The following SLC37A1 variants were observed in gnomAD, a reference collection of about 807,000 sequenced individuals.
The protein encoded by SLC37A1 is glucose-6-phosphate exchanger SLC37A1.
SLC37A1 carries 49 observed loss-of-function variants against 75.3 expected under a neutral mutation model. The observed-to-expected ratio is 0.65, with a 90% confidence interval of 0.52 to 0.83. The LOEUF (loss-of-function observed/expected upper bound fraction) is 0.83. Among genes scored for constraint, SLC37A1 ranks in the 40% least tolerant of loss-of-function variants. SLC37A1 has a pLI of 0.00. For missense variants in SLC37A1, 566 were observed against 695.0 expected, an observed-to-expected ratio of 0.81 and a Z score of 2.09; for synonymous variants, 268 against 292.1, an observed-to-expected ratio of 0.92 and a Z score of 0.84.
At chr21:42,567,689 A>AT (rs201853319) in intron 16 of SLC37A1, among the ~76,000 whole-genome samples, 1,700 of 152,150 alleles carry the variant, frequency 0.011, 34 homozygotes, top group African/African-American at 0.039. Context: ...ACAAGCATTT[A>AT]TTTTTTTGAA....
intron 2 of SLC37A1, among the ~76,000 whole-genome samples, chr21:42,521,131 G>T (rs747485205): frequency 1.3e-5 from 2 of 152,180 alleles, no homozygotes; most frequent in African/African-American, 2.4e-5. Context: ...TGAGGAACAG[G>T]ATATCTACAT....
chr21:42,540,629 T>C (rs1232199265), intron 6 of SLC37A1, among the ~76,000 whole-genome samples: 2 of 152,198 alleles, frequency 1.3e-5, no homozygotes, highest in South Asian at 4.1e-4. Context: ...TCCTGGCTTC[T>C]GCCCTTCCCA....
chr21:42,560,110 C>T (rs535198261), intron 11 of SLC37A1, among the ~76,000 whole-genome samples: 5 of 152,244 alleles, frequency 3.3e-5, no homozygotes, highest in African/African-American at 1.2e-4. Flanking sequence ...GTATCGGGAA[C>T]AAGGTGACTT....
At chr21:42,551,416 AAAG>A (rs1310780729) in intron 9 of SLC37A1, among the ~76,000 whole-genome samples, 1 of 152,220 alleles carries the variant, frequency 6.6e-6, no homozygotes, top group African/African-American at 2.4e-5. Context: ...CTAGAGATAG[AAAG>A]AAGATGAGTG....
Position 42,548,033 on chromosome 21 carries a change from G to A in SLC37A1, c.768+893G>A, listed in dbSNP as rs367550934. On this transcript the variant is annotated intron_variant, in intron 9 of 19. Transcript: ENST00000352133. The surrounding 1 kb of genome is among the most constrained non-coding windows in gnomAD (Gnocchi z 5.6). ...CTGACCCAATGCTTCCCTCCCTCTG[G>A]GGGTCAGCTCTCTTCCCTCCCTCTG... is the stretch of plus-strand genomic sequence containing the variant. 4.4e-4 allele frequency among the ~76,000 whole-genome samples: 67 copies of A among 152,156 alleles called. No individual in the cohort carries two copies. The highest frequency in any genetic ancestry group is 1.5e-3 in the African/African-American group (64 of 41,506).
chr21:42,558,188 G>A (rs1461719823), intron 10 of SLC37A1, among the ~76,000 whole-genome samples: 1 of 152,128 alleles, frequency 6.6e-6, no homozygotes, highest in Admixed American at 6.5e-5. Context: ...TCCCACTCTA[G>A]GTTGGGGAAT....
chr21:42,519,590 A>T (rs4920116), intron 2 of SLC37A1, among the ~76,000 whole-genome samples: 3 of 152,024 alleles, frequency 2.0e-5, no homozygotes, highest in African/African-American at 7.3e-5. Flanking sequence ...CCACAGCGGC[A>T]GATTCTGGGC....
At chr21:42,576,818 A>G (rs754089719) in intron 18 of SLC37A1, among the ~76,000 whole-genome samples, 7 of 152,200 alleles carry the variant, frequency 4.6e-5, no homozygotes, top group Non-Finnish European at 8.8e-5. Flanking sequence ...AGATTACTGA[A>G]GTGAAATATA....
At chr21:42,536,794 CCACT>C (rs932918815) in intron 5 of SLC37A1, among the ~76,000 whole-genome samples, 2 of 152,196 alleles carry the variant, frequency 1.3e-5, no homozygotes, top group African/African-American at 2.4e-5. Flanking sequence ...GAGAGCGCGG[CCACT>C]CACTCCTGCG....
At chr21:42,553,418 C>A (rs908238565) in intron 9 of SLC37A1, among the ~76,000 whole-genome samples, 1 of 152,154 alleles carries the variant, frequency 6.6e-6, no homozygotes, top group African/African-American at 2.4e-5. Flanking sequence ...ATTTTTATAC[C>A]ATTAATTATC....
At chr21:42,569,521 C>CCTTGAGT (rs1247495499) in intron 17 of SLC37A1, among the ~76,000 whole-genome samples, 2 of 19,640 alleles carry the variant, frequency 1.0e-4, no homozygotes, top group Admixed American at 5.4e-4. Context: ...CTCCCTCGTG[C>CCTTGAGT]CGCACTCCCT....
chr21:42,518,453 A>C lies in SLC37A1; in HGVS notation c.-2A>C. On this transcript the variant is annotated 5_prime_UTR_variant, in exon 2 of 20. Transcript: ENST00000352133. ...GAGGCTCAGTGGTCAGTGGCGACGT[A>C]AATGGCTCGACTCCCCGCTGGCATT... 11 of 1,613,622 alleles carry C rather than the reference A, an allele frequency of 6.8e-6. No homozygotes were observed. Among genetic ancestry groups the C allele is most frequent in the Non-Finnish European group, 9.3e-6 (11 of 1,180,022 alleles).
At chr21:42,536,572 T>G (rs1409831090) in intron 5 of SLC37A1, among the ~76,000 whole-genome samples, 1 of 152,238 alleles carries the variant, frequency 6.6e-6, no homozygotes, top group African/African-American at 2.4e-5. Context: ...AAAAGGTGTA[T>G]TTAGCTTTTA....
At chr21:42,568,199 T>G (rs1324798223) in intron 16 of SLC37A1, among the ~76,000 whole-genome samples, 161 bp from the exon 17 acceptor site, 2 of 152,234 alleles carry the variant, frequency 1.3e-5, no homozygotes, top group Non-Finnish European at 2.9e-5. Context: ...CCCTTGAAGT[T>G]TTAACTCTCC....
intron 3 of SLC37A1, among the ~76,000 whole-genome samples, chr21:42,530,209 T>G (rs538213560): frequency 6.6e-6 from 1 of 152,318 alleles, no homozygotes; most frequent in African/African-American, 2.4e-5. Context: ...AGTAAGAAGT[T>G]AACATGTGCA....
rs553359575 is a variant in SLC37A1 at position 42,521,308 on chromosome 21, CT to C, written c.56+2800del. Among the ~76,000 whole-genome samples the C allele has an allele frequency of 2.4e-4, 36 of 152,324 alleles. 1 individual carries two copies. Among genetic ancestry groups the C allele is most frequent in the Middle Eastern group, 6.8e-3 (2 of 294 alleles). On this transcript the variant is annotated intron_variant, in intron 2 of 19. Transcript: ENST00000352133. The stretch of plus-strand genomic sequence containing the variant: ...ATACTCTGAACAGGACATGGCATCG[CT>C]TCTCTGTCTCAGAAAACATAGACAG...
intron 13 of SLC37A1, among the ~76,000 whole-genome samples, chr21:42,564,448 T>A (rs1372762726): frequency 6.6e-6 from 1 of 152,026 alleles, no homozygotes; most frequent in East Asian, 1.9e-4. Context: ...CTGGCCACCT[T>A]AGTACCTTGA....
In SLC37A1 at chr21:42,580,448, A is replaced by G. The variant is rs962434403; in HGVS notation, c.*88A>G. On this transcript the variant is annotated 3_prime_UTR_variant, in exon 20 of 20. Coordinates refer to ENST00000352133, the MANE Select transcript of SLC37A1 (RefSeq NM_001320537.2). ...AGTTCAGACAAAGGGCCCTGCATGG[A>G]AAGAGTGACCTCCCTTTGCCTTTTG... 2.1e-6 allele frequency: 3 copies of G among 1,447,292 alleles called. No individual in the cohort carries two copies. Among genetic ancestry groups the G allele is most frequent in the African/African-American group, 1.4e-5 (1 of 71,052 alleles). The allele number at this position is 1,447,292 out of a possible 1,614,324, so 89.7% of individuals were successfully genotyped here.
At chr21:42,521,397 A>C (rs2054646227) in intron 2 of SLC37A1, among the ~76,000 whole-genome samples, 2 of 152,260 alleles carry the variant, frequency 1.3e-5, no homozygotes, top group African/African-American at 2.4e-5. Context: ...GAGCCCATCC[A>C]TGCTGCAGAG....
Sources: gnomAD v4.1 joint callset for allele counts (sites outside exome capture counted in the v4.1 genomes callset) on GRCh38, gnomAD v4.1.1 for gene constraint, Gnocchi (gnomAD v3.1) non-coding constraint, MANE v1.5 for transcripts, NCBI Gene and HGNC (gene_info 2026-07-23, HGNC 2026-07-21) for gene names.